The following LIN28B variants were observed in gnomAD, a reference collection of about 807,000 sequenced individuals.
LIN28B encodes the protein lin-28 RNA binding posttranscriptional regulator B, also known as protein lin-28 homolog B.
Under a neutral mutation model 21.9 loss-of-function variants are expected in LIN28B, and 5 were observed. The ratio of observed to expected loss-of-function variants is 0.23; its 90% CI spans 0.12 to 0.48. LIN28B has a LOEUF of 0.48. Among genes scored for constraint, LIN28B ranks in the 20% least tolerant of loss-of-function variants. LIN28B has a pLI of 0.98. For missense variants in LIN28B, 245 were observed against 310.5 expected, an observed-to-expected ratio of 0.79 and a Z score of 1.58; for synonymous variants, 109 against 111.3, an observed-to-expected ratio of 0.98 and a Z score of 0.13.
chr6:104,990,947 C>T (rs1770452725), intron 2 of LIN28B, among the ~76,000 whole-genome samples: 1 of 152,206 alleles, frequency 6.6e-6, no homozygotes, highest in African/African-American at 2.4e-5. Flanking sequence ...AATGGAGTCT[C>T]CTATGTCTCC....
intron 2 of LIN28B, among the ~76,000 whole-genome samples, chr6:104,996,492 A>G (rs1384542271): frequency 6.6e-6 from 1 of 152,192 alleles, no homozygotes; most frequent in African/African-American, 2.4e-5. Flanking sequence ...TGTCTTTCTC[A>G]GTATATAACA....
In LIN28B at chr6:104,999,993, T is replaced by C. The variant is rs541284764; in HGVS notation, c.199-26305T>C. ...GTATTCAGAAGTTCTTTGATTTCCT[T>C]GGCACTCCTTTTGAGGACCACCAGG... On this transcript the variant is annotated intron_variant, in intron 2 of 3. Coordinates refer to ENST00000345080, the MANE Select transcript of LIN28B (RefSeq NM_001004317.4). Among the ~76,000 whole-genome samples, 6 of 152,300 alleles carry C rather than the reference T, an allele frequency of 3.9e-5. No individual in the cohort carries two copies. The South Asian group carries it at 1.2e-3, about 32-fold the overall frequency.
chr6:105,044,321 T>G (rs922450420), intron 3 of LIN28B, among the ~76,000 whole-genome samples: 1 of 152,200 alleles, frequency 6.6e-6, no homozygotes, highest in Non-Finnish European at 1.5e-5. Context: ...GCTAGTTGTT[T>G]TAATTTCTAT....
chr6:105,026,002 T>C (rs1231206169), intron 2 of LIN28B, among the ~76,000 whole-genome samples: 1 of 152,156 alleles, frequency 6.6e-6, no homozygotes, highest in Non-Finnish European at 1.5e-5. Flanking sequence ...TGGTATCTTT[T>C]TGAGCCTTTG....
intron 3 of LIN28B, among the ~76,000 whole-genome samples, chr6:105,062,974 G>C (rs1378893920): frequency 6.6e-6 from 1 of 151,784 alleles, no homozygotes; most frequent in African/African-American, 2.4e-5. Context: ...AAATTTCTTA[G>C]TACAAACCTC....
chr6:104,997,344 G>T (rs987801049), intron 2 of LIN28B, among the ~76,000 whole-genome samples: 1 of 151,126 alleles, frequency 6.6e-6, no homozygotes, highest in Non-Finnish European at 1.5e-5. Flanking sequence ...TTTTTACATG[G>T]TTATAATTTT....
At chr6:105,046,539 G>A (rs539517367) in intron 3 of LIN28B, among the ~76,000 whole-genome samples, 4 of 152,248 alleles carry the variant, frequency 2.6e-5, no homozygotes, top group African/African-American at 4.8e-5. Context: ...CCCAGTAATG[G>A]GATGGCTAGG....
intron 2 of LIN28B, among the ~76,000 whole-genome samples, chr6:104,993,114 A>G (rs1770528705): frequency 6.6e-6 from 1 of 152,106 alleles, no homozygotes; most frequent in Non-Finnish European, 1.5e-5. Flanking sequence ...AAGCTTTAAA[A>G]TATTTTCTTT....
chr6:104,994,303 C>G (rs773465172), intron 2 of LIN28B, among the ~76,000 whole-genome samples: 1 of 152,160 alleles, frequency 6.6e-6, no homozygotes, highest in African/African-American at 2.4e-5. Context: ...CGCGCCTGAC[C>G]GATAAAAACA....
chr6:105,044,501 C>G lies in LIN28B; in HGVS notation c.383+18019C>G, dbSNP rs574570904. ...TTATAGGAATTCAAATTATTTTATTCACAAAATATTTGTGGTACAGGAATC... is the reference window on the plus strand; with the variant it reads ...TTATAGGAATTCAAATTATTTTATTGACAAAATATTTGTGGTACAGGAATC... On this transcript the variant is annotated intron_variant, in intron 3 of 3. Coordinates refer to ENST00000345080, the MANE Select transcript of LIN28B (RefSeq NM_001004317.4). Among the ~76,000 whole-genome samples, 197 of 152,144 alleles carry G rather than the reference C, an allele frequency of 1.3e-3. 1 individual carries two copies. The highest frequency in any genetic ancestry group is 1.2e-3 in the South Asian group (6 of 4,818).
At chr6:104,981,134 T>A (rs548774420) in intron 2 of LIN28B, among the ~76,000 whole-genome samples, 1 of 152,218 alleles carries the variant, frequency 6.6e-6, no homozygotes, top group Non-Finnish European at 1.5e-5. Flanking sequence ...TTGTGTGTGC[T>A]ATCATTTCCC....
Position 105,034,127 on chromosome 6 carries a change from A to G in LIN28B, c.383+7645A>G, listed in dbSNP as rs1054704738. Among the ~76,000 whole-genome samples the G allele has an allele frequency of 2.6e-5, 4 of 152,038 alleles. No homozygotes were observed. In the South Asian group the frequency reaches 8.3e-4, roughly 31 times the overall value. ...TAGTGTATATGTTGGTTGTATACAT[A>G]TAGCTTTGTAATTTTTAACTGTTCA... On this transcript the variant is annotated intron_variant, in intron 3 of 3. Transcript: ENST00000345080.
rs180882551 is a variant in LIN28B at position 104,994,154 on chromosome 6, G to A, written c.199-32144G>A. 3.7e-3 allele frequency among the ~76,000 whole-genome samples: 558 copies of A among 152,110 alleles called. 8 individuals carry two copies. Among genetic ancestry groups the A allele is most frequent in the Non-Finnish European group, 3.2e-3 (217 of 67,990 alleles). Reference sequence around the variant, plus strand: ...CAAGTAGCTGGGATTACAGGCGTGTGCCACCACACCCGGCTAATTTTTTGT... The same window carrying A: ...CAAGTAGCTGGGATTACAGGCGTGTACCACCACACCCGGCTAATTTTTTGT... On this transcript the variant is annotated intron_variant, in intron 2 of 3. Coordinates refer to ENST00000345080, the MANE Select transcript of LIN28B (RefSeq NM_001004317.4).
chr6:104,990,900 A>G (rs983470025), intron 2 of LIN28B, among the ~76,000 whole-genome samples: 18 of 152,228 alleles, frequency 1.2e-4, no homozygotes, highest in African/African-American at 4.3e-4. Context: ...GATTAACAGC[A>G]TCCCAAGGCA....
chr6:104,945,551 T>C (rs1409263543), intron 2 of LIN28B, among the ~76,000 whole-genome samples: 2 of 152,134 alleles, frequency 1.3e-5, no homozygotes, highest in Non-Finnish European at 2.9e-5. Context: ...TGTCTTAAAG[T>C]TATGGTGGGC....
At chr6:105,063,637 G>GC (rs1562111595) in intron 3 of LIN28B, among the ~76,000 whole-genome samples, 3 of 83,092 alleles carry the variant, frequency 3.6e-5, no homozygotes, top group Non-Finnish European at 6.1e-5. Flanking sequence ...CTCCATCTCG[G>GC]GGGGGGGGGG....
At chr6:105,025,728 G>A (rs1266559934) in intron 2 of LIN28B, among the ~76,000 whole-genome samples, 1 of 152,000 alleles carries the variant, frequency 6.6e-6, no homozygotes, top group African/African-American at 2.4e-5. Flanking sequence ...GGGCAACATA[G>A]TGAGTCCCAT....
intron 2 of LIN28B, among the ~76,000 whole-genome samples, chr6:104,960,215 T>C (rs965653059): frequency 1.3e-5 from 2 of 152,124 alleles, no homozygotes; most frequent in Admixed American, 6.6e-5. Context: ...GTTTCTTATA[T>C]TGTAATATAC....
chr6:104,977,951 G>A (rs1770136544), intron 2 of LIN28B, among the ~76,000 whole-genome samples: 1 of 152,134 alleles, frequency 6.6e-6, no homozygotes. Context: ...TTTTTTTCCT[G>A]TCTTCCATTG....
Sources: allele counts gnomAD v4.1 joint callset (sites outside exome capture counted in the v4.1 genomes callset), GRCh38; gene constraint gnomAD v4.1.1; transcripts MANE v1.5; gene names NCBI Gene and HGNC (gene_info 2026-07-23, HGNC 2026-07-21).